ENOX2: variants seen among roughly 807,000 people sequenced by gnomAD.
ENOX2 encodes APK1 antigen.
In ENOX2, 36 loss-of-function variants were observed where a neutral mutation model predicts 45.0. The ratio of observed to expected loss-of-function variants is 0.80; its 90% CI spans 0.61 to 1.06. ENOX2 has a LOEUF of 1.06. ENOX2 is among the 50% of genes least tolerant of loss of function. ENOX2 has a pLI of 0.00. For synonymous variants in ENOX2, 174 were observed against 152.3 expected, an observed-to-expected ratio of 1.14 and a Z score of -1.05; for missense variants, 423 against 462.5, an observed-to-expected ratio of 0.91 and a Z score of 0.78.
At chrX:130,703,291 T>C in intron 3 of ENOX2, 37 bp from the exon 4 acceptor site, 1 of 1,162,706 alleles carries the variant, frequency 8.6e-7, no homozygotes, top group African/African-American at 1.8e-5. Context: ...TTTGTTGTGT[T>C]AAGGTTCTAG....
intron 2 of ENOX2, among the ~76,000 whole-genome samples, chrX:130,821,919 T>C (rs1335760260): frequency 9.6e-6 from 1 of 104,295 alleles, no homozygotes; most frequent in South Asian, 4.5e-4. Flanking sequence ...CAAAAAAAAT[T>C]AGACAGGCTT....
chrX:130,729,753 CT>C (rs1429547703), intron 3 of ENOX2, among the ~76,000 whole-genome samples: 1 of 112,561 alleles, frequency 8.9e-6, no homozygotes, highest in African/African-American at 3.2e-5. Flanking sequence ...AGATGGCCTG[CT>C]CAATCACTAG....
chrX:130,845,543 G>C (rs1330230175), intron 2 of ENOX2, among the ~76,000 whole-genome samples: 1 of 112,408 alleles, frequency 8.9e-6, no homozygotes, highest in African/African-American at 3.2e-5. Flanking sequence ...TTGGCTCACC[G>C]CAACCTCTGC....
chrX:130,631,381 C>A (rs1399292111), intron 13 of ENOX2, 87 bp downstream of exon 13: 2 of 542,680 alleles, frequency 3.7e-6, no homozygotes, highest in Admixed American at 4.7e-5. Flanking sequence ...AAATGCTTGG[C>A]ATGTGCTTAT....
intron 2 of ENOX2, among the ~76,000 whole-genome samples, chrX:130,820,512 C>G (rs2077576516): frequency 8.9e-6 from 1 of 112,331 alleles, no homozygotes; most frequent in African/African-American, 3.2e-5. Context: ...ATCTACACTT[C>G]CATGTTCATT....
At chrX:130,770,028 G>A (rs1399347162) in intron 3 of ENOX2, among the ~76,000 whole-genome samples, 1 of 112,045 alleles carries the variant, frequency 8.9e-6, no homozygotes, top group Non-Finnish European at 1.9e-5. Context: ...ACACTTTCAA[G>A]TGGCAACCAA....
Position 130,740,919 on chromosome X carries a change from T to C in ENOX2, c.-38-37665A>G, listed in dbSNP as rs965465863. Among the ~76,000 whole-genome samples the C allele has an allele frequency of 2.7e-5, 3 of 111,643 alleles. No homozygotes were observed. The South Asian group carries it at 1.2e-3, about 43-fold the overall frequency. ...TATCTTGGGTTAATTAATTAACCTC[T>C]TGGGGCTTAGTTTCCTCTTCTGTAA... On this transcript the variant is annotated intron_variant, in intron 3 of 14. Transcript: ENST00000394363.
intron 4 of ENOX2, 23 bp downstream of exon 4, chrX:130,703,097 C>T (rs758344760): frequency 6.7e-6 from 8 of 1,194,091 alleles, no homozygotes; most frequent in East Asian, 6.0e-5. Flanking sequence ...TAAGCACTTG[C>T]GAGGTGATTA....
chrX:130,894,301 C>T (rs1371620554), intron 2 of ENOX2, among the ~76,000 whole-genome samples: 5 of 107,201 alleles, frequency 4.7e-5, no homozygotes, highest in African/African-American at 1.7e-4. Flanking sequence ...ACATGTATAC[C>T]TATGTAACAA....
chrX:130,810,207 G>T (rs998659596), intron 2 of ENOX2, among the ~76,000 whole-genome samples: 3 of 110,511 alleles, frequency 2.7e-5, no homozygotes, highest in African/African-American at 9.9e-5. Flanking sequence ...CCCACTGCTG[G>T]GCAGGCTCCC....
At chrX:130,653,432 C>T (rs2036459615) in intron 10 of ENOX2, among the ~76,000 whole-genome samples, 1 of 111,861 alleles carries the variant, frequency 8.9e-6, no homozygotes, top group African/African-American at 3.2e-5. Context: ...AATTTGGACC[C>T]ATCTACTCTA....
At chrX:130,780,344 C>A (rs2039942460) in intron 3 of ENOX2, among the ~76,000 whole-genome samples, 1 of 111,897 alleles carries the variant, frequency 8.9e-6, no homozygotes, top group African/African-American at 3.2e-5. Context: ...TTCCTAATAA[C>A]TTTAGACACA....
chrX:130,774,017 G>T (rs1238195605), intron 3 of ENOX2, among the ~76,000 whole-genome samples: 1 of 111,807 alleles, frequency 8.9e-6, no homozygotes, highest in Non-Finnish European at 1.9e-5. Flanking sequence ...AGAGAAAATT[G>T]CAAATTAGGT....
chrX:130,702,495 T>C (rs1301348503), intron 4 of ENOX2, among the ~76,000 whole-genome samples: 1 of 112,033 alleles, frequency 8.9e-6, no homozygotes, highest in Non-Finnish European at 1.9e-5. Flanking sequence ...CAAAAATTTA[T>C]TGTAATAATT....
At position 130,637,363 on chromosome X, in the gene ENOX2, G is replaced by A. The variant is rs148433684; in HGVS notation, c.1177C>T (p.Arg393Cys). ...TTCCGGTAGGCATCGAGCTGCCAAC[G>A]GAGGCTGTCATTTTCTTCCTTCAGA... ...EALKEENDSLRWQLDAYRNEV... is the reference protein window; with the variant it reads ...EALKEENDSLCWQLDAYRNEV... The change falls in exon 11 of 15, where the codon CGT becomes TGT. Residue 393 changes from arginine to cysteine, a missense_variant. Coordinates refer to ENST00000394363, the MANE Select transcript of ENOX2 (RefSeq NM_006375.4). The A allele has an allele frequency of 9.9e-6, 12 of 1,208,972 alleles. No individual in the cohort carries two copies. Among genetic ancestry groups the A allele is most frequent in the African/African-American group, 7.0e-5 (4 of 57,078 alleles).
At chrX:130,668,047 C>A (rs1170802572) in intron 7 of ENOX2, among the ~76,000 whole-genome samples, 1 of 108,430 alleles carries the variant, frequency 9.2e-6, no homozygotes, top group African/African-American at 3.4e-5. Flanking sequence ...AAATTTCTTA[C>A]CCTCTCTGAT....
At chrX:130,726,419 G>A (rs1227930719) in intron 3 of ENOX2, among the ~76,000 whole-genome samples, 6 of 112,308 alleles carry the variant, frequency 5.3e-5, no homozygotes, top group Non-Finnish European at 1.1e-4. Context: ...GACAGTTACA[G>A]GCTTCTTCAA....
intron 3 of ENOX2, among the ~76,000 whole-genome samples, chrX:130,758,514 C>T (rs1483478434): frequency 1.8e-5 from 2 of 112,355 alleles, no homozygotes; most frequent in African/African-American, 6.5e-5. Context: ...TAACTACTCA[C>T]CCATTGAAGG....
At chrX:130,641,875 G>T (rs756839441) in intron 10 of ENOX2, among the ~76,000 whole-genome samples, 9 of 111,406 alleles carry the variant, frequency 8.1e-5, no homozygotes, top group Admixed American at 3.8e-4. Flanking sequence ...ACTCAGAAAA[G>T]AATATTCCTT....
Sources: gnomAD v4.1 joint callset for allele counts (sites outside exome capture counted in the v4.1 genomes callset) on GRCh38, gnomAD v4.1.1 for gene constraint, MANE v1.5 for transcripts, NCBI Gene and HGNC (gene_info 2026-07-23, HGNC 2026-07-21) for gene names.